AADACL4: variants seen among roughly 807,000 people sequenced by gnomAD.
The protein encoded by AADACL4 is arylacetamide deacetylase-like 4.
Under a neutral mutation model 14.1 loss-of-function variants are expected in AADACL4, and 9 were observed. The ratio of observed to expected loss-of-function variants is 0.64; its 90% confidence interval spans 0.39 to 1.12. The LOEUF is 1.12. Ranked by LOEUF, AADACL4 falls within the 50% of genes most tolerant of loss-of-function variation. AADACL4 has a pLI of 0.01. For missense variants in AADACL4, 531 were observed against 516.1 expected, an observed-to-expected ratio of 1.03 and a Z score of -0.28; for synonymous variants, 188 against 201.6, an observed-to-expected ratio of 0.93 and a Z score of 0.57.
Position 12,644,478 on chromosome 1 carries a change from G to A in AADACL4, c.-69G>A. 1 of 1,564,892 alleles carries A rather than the reference G, an allele frequency of 6.4e-7. No individual in the cohort carries two copies. Among genetic ancestry groups the A allele is most frequent in the East Asian group, 2.2e-5 (1 of 44,528 alleles). On this transcript the variant is annotated 5_prime_UTR_variant, in exon 1 of 4. Transcript: ENST00000376221. ...TGGAGGAGGCGGAGGGTGTAACCCA[G>A]CCAGGTCCTCTTCACATAAGCTATC...
At chr1:12,654,156 T>C (rs895544747) in intron 2 of AADACL4, among the ~76,000 whole-genome samples, 3 of 152,208 alleles carry the variant, frequency 2.0e-5, no homozygotes, top group Non-Finnish European at 4.4e-5. Flanking sequence ...TGTCTCCCAG[T>C]ATTTGGGTAA....
chr1:12,666,541 T>C lies in AADACL4; in HGVS notation c.1030T>C (p.Cys344Arg). The change falls in exon 4 of 4, where the codon TGT becomes CGT. Residue 344 changes from cysteine to arginine, a missense_variant. Physicochemically the swap from Cys to Arg is radical, Grantham distance 180. Coordinates refer to ENST00000376221, the MANE Select transcript of AADACL4 (RefSeq NM_001013630.2). ...AQLPEAFLVS[C>R]ENDILRDDSL... is the part of the protein sequence containing the mutation. ...GCTTCCTGAGGCCTTCCTGGTGAGC[T>C]GTGAGAATGACATACTCCGTGATGA... The C allele has an allele frequency of 6.2e-7, 1 of 1,614,244 alleles. No individual in the cohort carries two copies. Among genetic ancestry groups the C allele is most frequent in the Non-Finnish European group, 8.5e-7 (1 of 1,180,044 alleles).
chr1:12,664,235 A>G (rs1017833800), intron 3 of AADACL4, among the ~76,000 whole-genome samples: 1 of 152,220 alleles, frequency 6.6e-6, no homozygotes, highest in African/African-American at 2.4e-5. Context: ...AAATGAAAAA[A>G]ATAATTTTGT....
In AADACL4 at chr1:12,666,066, C is replaced by CAGGGTTG. The variant is rs764286079; in HGVS notation, c.556_562dup (p.Val188GlufsTer70). 2 of 1,614,238 alleles carry CAGGGTTG rather than the reference C, an allele frequency of 1.2e-6. No individual in the cohort carries two copies. Among genetic ancestry groups the CAGGGTTG allele is most frequent in the Non-Finnish European group, 1.7e-6 (2 of 1,180,036 alleles). ...TGGAAACCTATGGGGTGGACCCCTC[C>CAGGGTTG]AGGGTTGTGGTCTGTGGAGAAAGCG... is the stretch of plus-strand genomic sequence containing the variant. On this transcript the variant is annotated frameshift_variant, in exon 4 of 4. Coordinates refer to ENST00000376221, the MANE Select transcript of AADACL4 (RefSeq NM_001013630.2). LOFTEE classifies it low-confidence loss of function (END_TRUNC).
rs1156706630 is a variant in AADACL4 at position 12,664,613 on chromosome 1, G to A, written c.450-1348G>A. 2.0e-5 allele frequency among the ~76,000 whole-genome samples: 3 copies of A among 152,260 alleles called. No individual in the cohort carries two copies. The East Asian group carries it at 5.8e-4, about 29-fold the overall frequency. Reference sequence around the variant, plus strand: ...AACTCCTGAGGTTGAGTGATCCTCAGCCTCCCAAAGTGCTGGGATTACAGG... The same window carrying A: ...AACTCCTGAGGTTGAGTGATCCTCAACCTCCCAAAGTGCTGGGATTACAGG... On this transcript the variant is annotated intron_variant, in intron 3 of 3. Coordinates refer to ENST00000376221, the MANE Select transcript of AADACL4 (RefSeq NM_001013630.2).
At chr1:12,651,916 C>T (rs953637805) in intron 2 of AADACL4, among the ~76,000 whole-genome samples, 2 of 150,948 alleles carry the variant, frequency 1.3e-5, no homozygotes, top group South Asian at 4.2e-4. Flanking sequence ...GCAAGCTGCG[C>T]CTCTCGGGTT....
intron 3 of AADACL4, among the ~76,000 whole-genome samples, chr1:12,664,948 G>A (rs747529625): frequency 4.0e-5 from 6 of 151,694 alleles, no homozygotes; most frequent in African/African-American, 4.8e-5. Context: ...GAAGACCAAC[G>A]CCCTAGTGTT....
intron 2 of AADACL4, among the ~76,000 whole-genome samples, chr1:12,652,648 A>G (rs1487135283): frequency 6.6e-6 from 1 of 152,216 alleles, no homozygotes; most frequent in Non-Finnish European, 1.5e-5. Context: ...ACCTTTATGC[A>G]TTTCTTTAAC....
rs899430689 is a variant in AADACL4 at position 12,665,220 on chromosome 1, A to T, written c.450-741A>T. On this transcript the variant is annotated intron_variant, in intron 3 of 3. Transcript: ENST00000376221. ...CCAATTCTTTTAAATTAGATTTTTG[A>T]TTTTTTTTCGTTTTGTTTTTGAGAT... Among the ~76,000 whole-genome samples the T allele has an allele frequency of 2.7e-5, 4 of 150,780 alleles. No homozygotes were observed. In the East Asian group the frequency reaches 7.8e-4, roughly 30 times the overall value.
At chr1:12,657,359 G>A (rs757296514) in intron 2 of AADACL4, among the ~76,000 whole-genome samples, 10 of 152,134 alleles carry the variant, frequency 6.6e-5, no homozygotes, top group Non-Finnish European at 1.3e-4. Flanking sequence ...AGGTTGGAGC[G>A]GGACTTACCA....
At chr1:12,660,076 C>G (rs1647214659) in intron 2 of AADACL4, among the ~76,000 whole-genome samples, 1 of 152,216 alleles carries the variant, frequency 6.6e-6, no homozygotes, top group Non-Finnish European at 1.5e-5. Flanking sequence ...CCTTGGCCTT[C>G]CAAAGTGTTG....
chr1:12,657,769 T>C (rs1343107831), intron 2 of AADACL4, among the ~76,000 whole-genome samples: 2 of 152,070 alleles, frequency 1.3e-5, no homozygotes, highest in Non-Finnish European at 2.9e-5. Context: ...AGAACTGCCA[T>C]GGTACTAGTG....
At chr1:12,644,808 C>A in intron 1 of AADACL4, 94 bp downstream of exon 1, 1 of 1,355,620 alleles carries the variant, frequency 7.4e-7, no homozygotes, top group Non-Finnish European at 1.0e-6. Flanking sequence ...TCCCTTCTGT[C>A]TCTCTCTCTT....
At chr1:12,644,982 TCTTTCCTTCCC>T (rs796623889) in intron 1 of AADACL4, among the ~76,000 whole-genome samples, 65 of 142,894 alleles carry the variant, frequency 4.5e-4, no homozygotes, top group African/African-American at 1.6e-3. Context: ...CTTTTTTCCT[TCTTTCCTTCCC>T]TCCTTCCCTC....
intron 2 of AADACL4, among the ~76,000 whole-genome samples, chr1:12,653,232 G>A (rs1279489589): frequency 6.6e-6 from 1 of 152,208 alleles, no homozygotes; most frequent in Non-Finnish European, 1.5e-5. Flanking sequence ...TTTTGACATG[G>A]AACTGTTGCA....
chr1:12,653,353 G>T (rs1647160806), intron 2 of AADACL4, among the ~76,000 whole-genome samples: 1 of 152,242 alleles, frequency 6.6e-6, no homozygotes, highest in South Asian at 2.1e-4. Flanking sequence ...AAGGACCCAA[G>T]ATCAGAAGTC....
intron 2 of AADACL4, among the ~76,000 whole-genome samples, chr1:12,660,968 A>C (rs1647222181): frequency 6.6e-6 from 1 of 152,168 alleles, no homozygotes. Context: ...AGATGACTGC[A>C]ATGTGCAGCC....
chr1:12,651,129 A>G lies in AADACL4; in HGVS notation c.175A>G (p.Ile59Val), dbSNP rs575065583. ...IFLYLVTLGN[I>V]FEKLGICSMP... ...CTTTTGTTACCTCCAACAGGGGAAT[A>G]TATTTGAGAAGCTGGGAATTTGCTC... Residue 59 changes from isoleucine (I) to valine (V), a missense_variant, in exon 2 of 4, where the codon ATA (isoleucine) becomes GTA (valine). Coordinates refer to ENST00000376221, the MANE Select transcript of AADACL4 (RefSeq NM_001013630.2). 2 of 1,614,072 alleles carry G rather than the reference A, an allele frequency of 1.2e-6. No homozygotes were observed. Among genetic ancestry groups the G allele is most frequent in the Non-Finnish European group, 1.7e-6 (2 of 1,179,916 alleles).
intron 3 of AADACL4, among the ~76,000 whole-genome samples, chr1:12,664,300 T>C (rs1647276981): frequency 6.6e-6 from 1 of 152,218 alleles, no homozygotes; most frequent in African/African-American, 2.4e-5. Flanking sequence ...ATGAGCTTCT[T>C]CCAAATTTAA....
Sources: gnomAD v4.1 joint callset for allele counts (sites outside exome capture counted in the v4.1 genomes callset) on GRCh38, gnomAD v4.1.1 for gene constraint, MANE v1.5 for transcripts, NCBI Gene and HGNC (gene_info 2026-07-23, HGNC 2026-07-21) for gene names.